The following BRD4 variants were observed in gnomAD, a reference collection of about 807,000 sequenced individuals.
BRD4 encodes bromodomain containing 4.
BRD4 carries 16 observed loss-of-function variants against 142.1 expected under a neutral mutation model. That is an observed-to-expected ratio of 0.11 (90% CI 0.08 to 0.17). The LOEUF (loss-of-function observed/expected upper bound fraction) is 0.17, where lower values mean the gene tolerates loss of function less well. BRD4 is among the 10% of genes least tolerant of loss of function. The pLI is 1.00. For missense variants in BRD4, 1,424 were observed against 1,810.9 expected (o/e 0.79, Z 3.88); for synonymous variants, 833 against 707.5 (o/e 1.18, Z -2.82).
intron 8 of BRD4, among the ~76,000 whole-genome samples, chr19:15,256,741 A>G (rs1174957225): frequency 6.6e-6 from 1 of 152,122 alleles, no homozygotes; most frequent in Non-Finnish European, 1.5e-5. Flanking sequence ...GAAAATGGCC[A>G]TGTCCCTCCC....
chr19:15,278,833 A>G (rs1442638436), intron 1 of BRD4, among the ~76,000 whole-genome samples: 1 of 152,162 alleles, frequency 6.6e-6, no homozygotes, highest in African/African-American at 2.4e-5. Flanking sequence ...CCTCTGATTA[A>G]GCATGCCTGT....
In BRD4 at chr19:15,308,581, T is replaced by C. The variant is rs112630536; in HGVS notation, c.-35+23709A>G. On this transcript the variant is annotated intron_variant, in intron 1 of 19. Transcript: ENST00000679869. The stretch of plus-strand genomic sequence containing the variant: ...CCGCCTGGGCAACAGAGCGAGAGTC[T>C]ACCTAAAAAAAAAAAAAAGTAATAG... Among the ~76,000 whole-genome samples the C allele has an allele frequency of 6.9e-3, 980 of 142,202 alleles. 9 individuals carry two copies. Among genetic ancestry groups the C allele is most frequent in the African/African-American group, 0.024 (930 of 38,134 alleles). The allele number at this position is 142,202 out of a possible 152,430, so 93.3% of individuals were successfully genotyped here.
At chr19:15,318,573 C>T (rs556412974) in intron 1 of BRD4, among the ~76,000 whole-genome samples, 87 of 152,192 alleles carry the variant, frequency 5.7e-4, no homozygotes, top group Non-Finnish European at 1.2e-3. Flanking sequence ...GGTTCCAGTG[C>T]ATGCGTAAGC....
intron 1 of BRD4, among the ~76,000 whole-genome samples, chr19:15,286,682 G>A (rs2047742640): frequency 6.6e-6 from 1 of 152,168 alleles, no homozygotes; most frequent in African/African-American, 2.4e-5. Context: ...TATGTGATCT[G>A]TATTTAGATT....
chr19:15,274,162 G>C (rs2047621234), intron 1 of BRD4, among the ~76,000 whole-genome samples: 1 of 152,148 alleles, frequency 6.6e-6, no homozygotes, highest in African/African-American at 2.4e-5. Context: ...GGGAACCTTG[G>C]GTCCAGTGTA....
chr19:15,294,983 C>T (rs537600779), intron 1 of BRD4, among the ~76,000 whole-genome samples: 1 of 152,336 alleles, frequency 6.6e-6, no homozygotes, highest in South Asian at 2.1e-4. Flanking sequence ...TGTTTTCCGT[C>T]TAAACACTCA....
At chr19:15,257,576 G>T (rs1396730695) in intron 7 of BRD4, among the ~76,000 whole-genome samples, 1 of 152,110 alleles carries the variant, frequency 6.6e-6, no homozygotes, top group Non-Finnish European at 1.5e-5. Flanking sequence ...GGGAGCAGGA[G>T]TTGTCTGTGG....
chr19:15,282,640 T>C (rs1452068305), intron 1 of BRD4, among the ~76,000 whole-genome samples: 1 of 152,236 alleles, frequency 6.6e-6, no homozygotes, highest in Admixed American at 6.5e-5. Context: ...AAGCTATGCA[T>C]TCCCACTGAC....
At chr19:15,302,788 G>A (rs1016404374) in intron 1 of BRD4, among the ~76,000 whole-genome samples, 4 of 151,376 alleles carry the variant, frequency 2.6e-5, no homozygotes, top group East Asian at 1.9e-4. Context: ...GGCGCATCAC[G>A]AGGTTAGGAG....
intron 11 of BRD4, chr19:15,248,525 A>T (rs1053637072): frequency 2.7e-5 from 6 of 222,462 alleles, no homozygotes; most frequent in Admixed American, 2.3e-4. Flanking sequence ...TCCAGGAGGT[A>T]CTTTCCCTAT....
chr19:15,267,742 G>C (rs1362288834), intron 3 of BRD4, among the ~76,000 whole-genome samples, 191 bp from the exon 4 acceptor site: 1 of 152,044 alleles, frequency 6.6e-6, no homozygotes, highest in African/African-American at 2.4e-5. Flanking sequence ...TGTTCCCACA[G>C]GTGTGCTGAG....
intron 1 of BRD4, among the ~76,000 whole-genome samples, chr19:15,329,022 C>T (rs1227516308): frequency 6.6e-6 from 1 of 152,008 alleles, no homozygotes; most frequent in African/African-American, 2.4e-5. Flanking sequence ...ATCTGCCCGC[C>T]TCGGCCTCTC....
chr19:15,305,008 T>G (rs930635871), intron 1 of BRD4, among the ~76,000 whole-genome samples: 15 of 150,864 alleles, frequency 9.9e-5, no homozygotes, highest in South Asian at 4.2e-4. Flanking sequence ...TCACCTACAT[T>G]AAAATTAAGA....
chr19:15,262,856 T>C (rs889908058), intron 7 of BRD4, among the ~76,000 whole-genome samples: 1 of 152,172 alleles, frequency 6.6e-6, no homozygotes, highest in African/African-American at 2.4e-5. Context: ...TTTCCTTTTT[T>C]AAAAAAATTA....
In BRD4 at chr19:15,264,269, G is replaced by C; in HGVS notation, c.1212+135C>G. On this transcript the variant is annotated intron_variant, in intron 6 of 19. Transcript: ENST00000679869. ...ACAGCAGGGGGCGCTGAGTTTCTTC[G>C]AGTTGGCGGGAAAAATCCACGCAGC... is the stretch of plus-strand genomic sequence containing the variant. 4.0e-6 allele frequency: 5 copies of C among 1,259,056 alleles called. No homozygotes were observed. In the South Asian group the frequency reaches 4.7e-5, roughly 12 times the overall value. The allele number at this position is 1,259,056 out of a possible 1,614,324, so 78.0% of individuals were successfully genotyped here.
At chr19:15,265,774 C>A (rs536760471) in intron 4 of BRD4, 131 bp from the exon 5 acceptor site, 1 of 975,928 alleles carries the variant, frequency 1.0e-6, no homozygotes, top group African/African-American at 1.6e-5. Context: ...GACGAACATC[C>A]CAGACTCCAC....
chr19:15,332,524 C>CCGT lies in BRD4; in HGVS notation c.-270_-269insACG, dbSNP rs2048172951. On this transcript the variant is annotated 5_prime_UTR_variant, in exon 1 of 20. Coordinates refer to ENST00000679869, the MANE Select transcript of BRD4 (RefSeq NM_001379291.1). ...CCAGCCGCCGCCGCCGCCGCCGCCG[C>CCGT]CGCCGCCAGCGCACTGACGTCACCG... is the stretch of plus-strand genomic sequence containing the variant. 6.1e-6 allele frequency: 1 copy of CCGT among 165,106 alleles called. No individual in the cohort carries two copies. The highest frequency in any genetic ancestry group is 1.2e-5 in the Non-Finnish European group (1 of 81,434). 10.2% of individuals were successfully genotyped at this position (165,106 alleles called of 1,614,324 possible). A position where few individuals can be genotyped will look rare whatever the true frequency, so the allele number is the denominator to read the frequency against.
intron 1 of BRD4, among the ~76,000 whole-genome samples, chr19:15,312,692 T>C (rs1568408805): frequency 6.6e-6 from 1 of 150,650 alleles, no homozygotes. Context: ...TCCTAGAACT[T>C]TGGGAGGCTG....
At chr19:15,306,280 T>C (rs902532716) in intron 1 of BRD4, among the ~76,000 whole-genome samples, 1 of 152,216 alleles carries the variant, frequency 6.6e-6, no homozygotes, top group African/African-American at 2.4e-5. Flanking sequence ...ATTGGCCTTT[T>C]AGCGTTGTTA....
Sources: allele counts gnomAD v4.1 joint callset (sites outside exome capture counted in the v4.1 genomes callset), GRCh38; gene constraint gnomAD v4.1.1; transcripts MANE v1.5; gene names NCBI Gene and HGNC (gene_info 2026-07-23, HGNC 2026-07-21).